The following FBLN5 variants were observed in gnomAD, a reference collection of about 807,000 sequenced individuals.
FBLN5 encodes fibulin-5.
Under a neutral mutation model 61.6 loss-of-function variants are expected in FBLN5, and 24 were observed. The observed-to-expected ratio is 0.39, with a 90% confidence interval of 0.28 to 0.55. The LOEUF (loss-of-function observed/expected upper bound fraction) is 0.55, where lower values mean the gene tolerates loss of function less well. Among genes scored for constraint, FBLN5 ranks in the 20% least tolerant of loss-of-function variants. The probability of loss-of-function intolerance (pLI) is 0.65; values close to 1 mark genes in which losing one functional copy is unlikely to be tolerated. For synonymous variants in FBLN5, 213 were observed against 219.8 expected (o/e 0.97, Z 0.27); for missense variants, 470 against 594.1 (o/e 0.79, Z 2.17).
intron 5 of FBLN5, among the ~76,000 whole-genome samples, chr14:91,893,437 G>C (rs890271342): frequency 6.6e-6 from 1 of 152,150 alleles, no homozygotes; most frequent in Non-Finnish European, 1.5e-5. Context: ...AGGATGCTTC[G>C]GACGGGGCTT....
chr14:91,886,166 C>T (rs1175913946), intron 7 of FBLN5, among the ~76,000 whole-genome samples: 2 of 152,216 alleles, frequency 1.3e-5, no homozygotes, highest in African/African-American at 2.4e-5. Flanking sequence ...AGATTTTTCA[C>T]GCCCTAGTGT....
chr14:91,884,896 T>C (rs181824569), intron 7 of FBLN5, among the ~76,000 whole-genome samples: 244 of 152,314 alleles, frequency 1.6e-3, no homozygotes, highest in African/African-American at 5.7e-3. Context: ...CACCCTCCAG[T>C]GGAAAGCTGA....
chr14:91,896,674 G>A (rs959524726), intron 4 of FBLN5, among the ~76,000 whole-genome samples: 4 of 152,102 alleles, frequency 2.6e-5, no homozygotes, highest in Admixed American at 6.5e-5. Context: ...AGTCTACTCC[G>A]TGCAGGTCTA....
intron 4 of FBLN5, among the ~76,000 whole-genome samples, chr14:91,907,938 G>C (rs560185489): frequency 9.4e-4 from 142 of 151,772 alleles, no homozygotes; most frequent in Middle Eastern, 3.4e-3. Context: ...GCTTCAATCA[G>C]AACAATTTGA....
chr14:91,896,875 G>T (rs1461596982), intron 4 of FBLN5, among the ~76,000 whole-genome samples: 1 of 152,212 alleles, frequency 6.6e-6, no homozygotes, highest in Non-Finnish European at 1.5e-5. Flanking sequence ...GGGGATGGGG[G>T]TGTCTAAGAC....
At chr14:91,933,598 T>C (rs1469699451) in intron 4 of FBLN5, among the ~76,000 whole-genome samples, 1 of 152,126 alleles carries the variant, frequency 6.6e-6, no homozygotes, top group Non-Finnish European at 1.5e-5. Flanking sequence ...AATTTCTTTA[T>C]CTCTTAGAGA....
In FBLN5 at chr14:91,947,329, G is replaced by C; in HGVS notation, c.-100C>G. 7.1e-7 allele frequency: 1 copy of C among 1,399,462 alleles called. No individual in the cohort carries two copies. The highest frequency in any genetic ancestry group is 2.3e-5 in the East Asian group (1 of 43,318). 86.7% of individuals were successfully genotyped at this position (1,399,462 alleles called of 1,614,324 possible). ...ACGTCGGCCTCCTCTGGGCCCTCGGGGCTCGCGGGTGTTTTATTCCAGAGG... is the reference window on the plus strand; with the variant it reads ...ACGTCGGCCTCCTCTGGGCCCTCGGCGCTCGCGGGTGTTTTATTCCAGAGG... On this transcript the variant is annotated 5_prime_UTR_variant, in exon 1 of 11. Transcript: ENST00000342058. This position sits in a 1 kb window ranked among gnomAD's most constrained non-coding sequence, Gnocchi z 4.3.
intron 4 of FBLN5, among the ~76,000 whole-genome samples, chr14:91,933,309 C>T (rs1231604599): frequency 6.6e-6 from 1 of 152,050 alleles, no homozygotes; most frequent in Non-Finnish European, 1.5e-5. Flanking sequence ...GAGTCTTGCT[C>T]TGTCGCCCAG....
chr14:91,932,595 A>C (rs1595343982), intron 4 of FBLN5, among the ~76,000 whole-genome samples: 1 of 152,242 alleles, frequency 6.6e-6, no homozygotes, highest in African/African-American at 2.4e-5. Context: ...AGAAGAAATC[A>C]GTGCATGAAG....
chr14:91,937,254 C>T lies in FBLN5; in HGVS notation c.125-53G>A, dbSNP rs181500413. The T allele has an allele frequency of 9.7e-4, 1,569 of 1,610,896 alleles. 7 individuals carry two copies. The highest frequency in any genetic ancestry group is 4.3e-3 in the Middle Eastern group (26 of 5,980). ...AGTGGCACCCCAACTGCCTTGTGTC[C>T]GGTGCATATTTAAGCAGAACTCGGT... On this transcript the variant is annotated intron_variant, in intron 3 of 10. Coordinates refer to ENST00000342058, the MANE Select transcript of FBLN5 (RefSeq NM_006329.4).
In FBLN5 at chr14:91,940,686, A is replaced by C. The variant is rs911737186; in HGVS notation, c.73-70T>G. On this transcript the variant is annotated intron_variant, in intron 2 of 10. Transcript: ENST00000342058. ...CATAAAAGTCTTATTGCTGCAACAC[A>C]GAAAGTTGGGGAAATGGAGCAAAAA... The C allele has an allele frequency of 1.7e-5, 23 of 1,380,998 alleles. No homozygotes were observed. In the African/African-American group the frequency reaches 2.7e-4, roughly 16 times the overall value. 85.5% of individuals were successfully genotyped at this position (1,380,998 alleles called of 1,614,324 possible).
chr14:91,943,081 G>A lies in FBLN5; in HGVS notation c.18-120C>T. 1 of 741,114 alleles carries A rather than the reference G, an allele frequency of 1.3e-6. No homozygotes were observed. The allele number at this position is 741,114 out of a possible 1,614,324, so 45.9% of individuals were successfully genotyped here. On this transcript the variant is annotated intron_variant, in intron 1 of 10. Transcript: ENST00000342058. This position sits in a 1 kb window ranked among gnomAD's most constrained non-coding sequence, Gnocchi z 4.0. ...TCACCTTGGGCTTGTATGGGGTGGG[G>A]TGTGCTCCAGGGAGGTCATGGTGGT... is the stretch of plus-strand genomic sequence containing the variant.
intron 6 of FBLN5, among the ~76,000 whole-genome samples, chr14:91,887,627 C>T (rs112690049): frequency 2.0e-5 from 3 of 152,304 alleles, no homozygotes; most frequent in African/African-American, 7.2e-5. Context: ...CCCCCCCAAC[C>T]AGGAATTTCC....
At position 91,942,971 on chromosome 14, in the gene FBLN5, T is replaced by C. The variant is rs1344790060; in HGVS notation, c.18-10A>G. The C allele has an allele frequency of 1.9e-6, 3 of 1,546,984 alleles. No individual in the cohort carries two copies. The highest frequency in any genetic ancestry group is 1.2e-5 in the South Asian group (1 of 84,118). On this transcript the variant is annotated splice_polypyrimidine_tract_variant and intron_variant, in intron 1 of 10. Transcript: ENST00000342058. ...GGTAACAGTGAGTATCCTGTGGAGG[T>C]GAAAAGTCAAATATAAATGCCCAAG...
chr14:91,872,270 G>T (rs1888972899), intron 10 of FBLN5, among the ~76,000 whole-genome samples: 1 of 152,172 alleles, frequency 6.6e-6, no homozygotes, highest in African/African-American at 2.4e-5. Flanking sequence ...TCACTGCACA[G>T]CAGGTATCAG....
At chr14:91,907,845 C>A (rs887634783) in intron 4 of FBLN5, among the ~76,000 whole-genome samples, 3 of 151,910 alleles carry the variant, frequency 2.0e-5, no homozygotes, top group African/African-American at 7.3e-5. Context: ...AGTGAGATGC[C>A]CCCCACACAC....
chr14:91,892,513 A>T (rs1774985194), intron 5 of FBLN5, among the ~76,000 whole-genome samples: 1 of 152,172 alleles, frequency 6.6e-6, no homozygotes, highest in Admixed American at 6.5e-5. Flanking sequence ...CCCTTCTCAG[A>T]TTCTGTGCCC....
intron 4 of FBLN5, among the ~76,000 whole-genome samples, chr14:91,903,081 A>T (rs1413585472): frequency 6.6e-6 from 1 of 152,218 alleles, no homozygotes; most frequent in African/African-American, 2.4e-5. Flanking sequence ...CTCAAATAAA[A>T]GTTGAAACTA....
intron 4 of FBLN5, among the ~76,000 whole-genome samples, chr14:91,925,271 G>A (rs1249156215): frequency 6.6e-6 from 1 of 152,204 alleles, no homozygotes; most frequent in African/African-American, 2.4e-5. Flanking sequence ...CCTGCAGCAG[G>A]GCCCAGCACT....
Sources: allele counts gnomAD v4.1 joint callset (sites outside exome capture counted in the v4.1 genomes callset), GRCh38; gene constraint gnomAD v4.1.1; non-coding constraint Gnocchi (gnomAD v3.1); transcripts MANE v1.5; gene names NCBI Gene and HGNC (gene_info 2026-07-23, HGNC 2026-07-21).